UNC13C: variants seen among roughly 807,000 people sequenced by gnomAD.
The protein encoded by UNC13C is unc-13 homolog C.
UNC13C carries 174 observed loss-of-function variants against 245.4 expected under a neutral mutation model. The observed-to-expected ratio is 0.71, with a 90% confidence interval of 0.63 to 0.80. UNC13C has a LOEUF of 0.80. Among genes scored for constraint, UNC13C ranks in the 30% least tolerant of loss-of-function variants. The pLI is 0.00. For missense variants in UNC13C, 2,829 were observed against 2,602.9 expected (o/e 1.09, Z -1.89); for synonymous variants, 992 against 895.1 (o/e 1.11, Z -1.93).
At chr15:54,151,996 G>A (rs546663641) in intron 4 of UNC13C, among the ~76,000 whole-genome samples, 5 of 152,258 alleles carry the variant, frequency 3.3e-5, no homozygotes, top group African/African-American at 9.6e-5. Flanking sequence ...TACTTTAAAA[G>A]AACCCCAAAT....
At chr15:53,850,991 A>C in the UNC13C span, among the ~76,000 whole-genome samples, 1 of 148,002 alleles carries the variant, frequency 6.8e-6, no homozygotes, top group African/African-American at 2.5e-5. Context: ...TGATGTTTTT[A>C]TTTCAGAAAT....
intron 17 of UNC13C, among the ~76,000 whole-genome samples, chr15:54,378,480 C>A (rs556614881): frequency 6.6e-6 from 1 of 151,996 alleles, no homozygotes; most frequent in South Asian, 2.1e-4. Flanking sequence ...TCTCTTGGAT[C>A]CTCAGGACCT....
At chr15:54,154,613 T>C (rs571903538) in intron 4 of UNC13C, among the ~76,000 whole-genome samples, 1 of 152,332 alleles carries the variant, frequency 6.6e-6, no homozygotes, top group East Asian at 1.9e-4. Context: ...TTCCGTTTTT[T>C]CCCCTTATTT....
At chr15:54,180,942 T>C (rs8040235) in intron 4 of UNC13C, among the ~76,000 whole-genome samples, 16,155 of 152,078 alleles carry the variant, frequency 0.11, 1,451 homozygotes, top group African/African-American at 0.24. Flanking sequence ...TTTTCTAGGT[T>C]GTCTGCTTAC....
chr15:54,551,541 G>T (rs1392650012), intron 28 of UNC13C, among the ~76,000 whole-genome samples: 1 of 151,988 alleles, frequency 6.6e-6, no homozygotes, highest in Non-Finnish European at 1.5e-5. Context: ...AGGGTCCACA[G>T]AAAACATAAC....
At chr15:54,472,926 T>G (rs1270369444) in intron 19 of UNC13C, among the ~76,000 whole-genome samples, 1 of 151,868 alleles carries the variant, frequency 6.6e-6, no homozygotes, top group Non-Finnish European at 1.5e-5. Flanking sequence ...TATATTGCAT[T>G]ATGCTGAGGT....
intron 18 of UNC13C, among the ~76,000 whole-genome samples, chr15:54,400,406 G>A (rs187678856): frequency 6.5e-4 from 99 of 152,168 alleles, no homozygotes; most frequent in African/African-American, 2.3e-3. Context: ...TCTGCAAGAA[G>A]CTATGTTCAT....
chr15:54,290,704 C>T (rs553099603), intron 10 of UNC13C, among the ~76,000 whole-genome samples: 4 of 152,188 alleles, frequency 2.6e-5, no homozygotes, highest in African/African-American at 7.2e-5. Flanking sequence ...CCACTTAATA[C>T]ACCTTTACCT....
chr15:54,567,886 T>A lies in UNC13C; in HGVS notation c.6045T>A (p.Ser2015Arg), dbSNP rs1158052391. The A allele has an allele frequency of 6.3e-7, 1 of 1,596,876 alleles. No individual in the cohort carries two copies. Among genetic ancestry groups the A allele is most frequent in the African/African-American group, 1.3e-5 (1 of 74,686 alleles). ...TTCAGTCTCTGAGATATGCTCTCAG[T>A]CTTTATACCCAAACTACTGATGCCT... ...PDLQSLRYAL[S>R]LYTQTTDALI... is the part of the protein sequence containing the mutation. Residue 2015 changes from serine (S) to arginine (R), a missense_variant, in exon 30 of 33, where the codon AGT becomes AGA. Physicochemically the swap from Ser to Arg is moderately radical, Grantham distance 110 (BLOSUM62 -1). Transcript: ENST00000260323.
intron 2 of UNC13C, among the ~76,000 whole-genome samples, chr15:54,073,523 C>G (rs1192792184): frequency 1.3e-5 from 2 of 152,208 alleles, no homozygotes; most frequent in Admixed American, 6.5e-5. Flanking sequence ...TACCATTTCT[C>G]CACATCCTCT....
At chr15:54,111,838 C>T (rs1240608817) in intron 2 of UNC13C, among the ~76,000 whole-genome samples, 2 of 152,134 alleles carry the variant, frequency 1.3e-5, no homozygotes, top group African/African-American at 2.4e-5. Context: ...AGATACTGCC[C>T]TTCCCCAAAA....
Position 54,522,080 on chromosome 15 carries a change from G to A in UNC13C, c.5458-3469G>A, listed in dbSNP as rs536588315. ...TGCCTAGGGCTAGCTACACTTGAGC[G>A]AAAATTTGCAAAAGGAGATAAGTGA... On this transcript the variant is annotated intron_variant, in intron 24 of 32. Transcript: ENST00000260323. Among the ~76,000 whole-genome samples, 10 of 152,292 alleles carry A rather than the reference G, an allele frequency of 6.6e-5. No individual in the cohort carries two copies. The South Asian group carries it at 1.4e-3, about 22-fold the overall frequency.
intron 2 of UNC13C, among the ~76,000 whole-genome samples, chr15:54,133,551 G>T (rs1485859418): frequency 2.0e-5 from 3 of 152,048 alleles, no homozygotes; most frequent in East Asian, 1.9e-4. Context: ...CTGTGGTCTC[G>T]CATTAACGAC....
At position 54,057,875 on chromosome 15, in the gene UNC13C, G is replaced by A. The variant is rs929583422; in HGVS notation, c.2983+41989G>A. On this transcript the variant is annotated intron_variant, in intron 2 of 32. Coordinates refer to ENST00000260323, the MANE Select transcript of UNC13C (RefSeq NM_001080534.3). ...CCTGAATGACTACTGGGTACATAAC[G>A]AAACGAAGGCAGAAATAAAGATGTT... Among the ~76,000 whole-genome samples the A allele has an allele frequency of 2.4e-4, 37 of 152,240 alleles. 1 individual carries two copies. Among genetic ancestry groups the A allele is most frequent in the Non-Finnish European group, 4.0e-4 (27 of 68,026 alleles).
chr15:54,409,819 T>C (rs888502464), intron 18 of UNC13C, among the ~76,000 whole-genome samples: 13 of 152,208 alleles, frequency 8.5e-5, no homozygotes, highest in Non-Finnish European at 1.6e-4. Flanking sequence ...TTTGTTATTA[T>C]GTATAGTGCT....
chr15:54,599,479 T>C (rs1411490263), intron 30 of UNC13C, among the ~76,000 whole-genome samples: 2 of 152,034 alleles, frequency 1.3e-5, no homozygotes, highest in Non-Finnish European at 2.9e-5. Flanking sequence ...TTTTATGCTA[T>C]TTGTGGATAA....
At chr15:53,991,287 A>G (rs1897045) in intron 1 of UNC13C, among the ~76,000 whole-genome samples, 149,845 of 152,074 alleles carry the variant, frequency 0.99, 73,858 homozygotes, top group Middle Eastern at 1. Flanking sequence ...TACTTCCATG[A>G]GTCCAATGCT....
chr15:54,496,143 T>G (rs545178594), intron 20 of UNC13C, among the ~76,000 whole-genome samples: 2 of 152,196 alleles, frequency 1.3e-5, no homozygotes, highest in Admixed American at 1.3e-4. Context: ...TTCCACAATA[T>G]ATACATATTT....
At chr15:54,040,609 T>C (rs1019746551) in intron 2 of UNC13C, among the ~76,000 whole-genome samples, 3 of 152,126 alleles carry the variant, frequency 2.0e-5, no homozygotes, top group Non-Finnish European at 4.4e-5. Flanking sequence ...CTGTCATTGG[T>C]TGAGTTTTGC....
Sources: gnomAD v4.1 joint callset for allele counts (sites outside exome capture counted in the v4.1 genomes callset) on GRCh38, gnomAD v4.1.1 for gene constraint, MANE v1.5 for transcripts, NCBI Gene and HGNC (gene_info 2026-07-23, HGNC 2026-07-21) for gene names.